Variants in SLX9 observed in about 807,000 individuals in gnomAD.
SLX9 encodes the protein SLX9 ribosome biogenesis factor, also known as ribosome biogenesis protein SLX9 homolog.
Under a neutral mutation model 20.8 loss-of-function variants are expected in SLX9, and 19 were observed. The ratio of observed to expected loss-of-function variants is 0.91; its 90% CI spans 0.64 to 1.34. The LOEUF is 1.34. Ranked by LOEUF, SLX9 falls within the 40% of genes most tolerant of loss-of-function variation. The probability of loss-of-function intolerance (pLI) is 0.00; values close to 1 mark genes in which losing one functional copy is unlikely to be tolerated. For synonymous variants in SLX9, 113 were observed against 137.1 expected, an observed-to-expected ratio of 0.82 and a Z score of 1.23; for missense variants, 299 against 322.2, an observed-to-expected ratio of 0.93 and a Z score of 0.55.
rs2084588204 is a variant in SLX9 at position 44,943,601 on chromosome 21, TCTC to T, written c.130-79_130-77del. On this transcript the variant is annotated intron_variant, in intron 1 of 5. Transcript: ENST00000291634. ...GAATCCAGGTTCTTGTCTTGCATCT[TCTC>T]CTCACCTTTAACGTCCCTCTGAAAC... 5.3e-5 allele frequency: 83 copies of T among 1,552,572 alleles called. 1 individual carries two copies. The South Asian group carries it at 9.7e-4, about 18-fold the overall frequency.
intron 5 of SLX9, among the ~76,000 whole-genome samples, chr21:44,974,092 G>A (rs566872708): frequency 5.3e-5 from 8 of 152,298 alleles, no homozygotes; most frequent in East Asian, 1.9e-4. Flanking sequence ...TCCAGACCAC[G>A]CACGCTCTCT....
intron 3 of SLX9, among the ~76,000 whole-genome samples, chr21:44,966,538 A>G (rs1335846924): frequency 1.3e-5 from 2 of 152,172 alleles, no homozygotes; most frequent in African/African-American, 4.8e-5. Flanking sequence ...TCTAGCGTGG[A>G]GGCCTCAGCC....
intron 2 of SLX9, among the ~76,000 whole-genome samples, chr21:44,952,883 C>T (rs1392260684): frequency 1.3e-5 from 2 of 152,224 alleles, no homozygotes; most frequent in Admixed American, 1.3e-4. Context: ...AGGCCATCTG[C>T]ACGTCACTGT....
chr21:44,966,065 G>C (rs956158199), intron 3 of SLX9, among the ~76,000 whole-genome samples: 1 of 152,150 alleles, frequency 6.6e-6, no homozygotes, highest in East Asian at 1.9e-4. Context: ...TTTGTCCCAG[G>C]TTCTTGTCAG....
intron 2 of SLX9, among the ~76,000 whole-genome samples, chr21:44,956,110 G>A (rs565212177): frequency 1.3e-5 from 2 of 152,356 alleles, no homozygotes; most frequent in South Asian, 4.1e-4. Context: ...GCCTTTTCCT[G>A]TTTTTCTTTT....
At chr21:44,942,982 G>T (rs2084576359) in intron 1 of SLX9, among the ~76,000 whole-genome samples, 1 of 152,184 alleles carries the variant, frequency 6.6e-6, no homozygotes, top group Non-Finnish European at 1.5e-5. Context: ...ATATTTTTAA[G>T]TGCCTTTAGC....
chr21:44,939,766 C>A, upstream of SLX9: 2 of 542,612 alleles, frequency 3.7e-6, no homozygotes, highest in Non-Finnish European at 3.5e-6. Flanking sequence ...TCTCCATCCC[C>A]GACCTTGGAC....
chr21:44,943,803 C>T lies in SLX9; in HGVS notation c.249C>T (p.Gly83=), dbSNP rs750981303. Residue 83 remains glycine (G), a synonymous_variant, in exon 2 of 6, where the codon GGC becomes GGT. Coordinates refer to ENST00000291634, the MANE Select transcript of SLX9 (RefSeq NM_058190.4). Reference sequence around the variant, plus strand: ...CTTCCGTCAGGAGAGGTGAGGCAGGCTCGAGTGCACGGAGCGTCCCTTCCA... The same window carrying T: ...CTTCCGTCAGGAGAGGTGAGGCAGGTTCGAGTGCACGGAGCGTCCCTTCCA... ...SVTSVRRGEA[G]SSARSVPSIR... 6.2e-7 allele frequency: 1 copy of T among 1,612,952 alleles called. No individual in the cohort carries two copies. Among genetic ancestry groups the T allele is most frequent in the Non-Finnish European group, 8.5e-7 (1 of 1,179,980 alleles).
intron 4 of SLX9, among the ~76,000 whole-genome samples, chr21:44,971,575 A>G (rs369463376): frequency 6.6e-6 from 1 of 152,254 alleles, no homozygotes; most frequent in East Asian, 1.9e-4. Flanking sequence ...CATCTCTTAA[A>G]GTGAGGGTGC....
At chr21:44,965,486 G>A (rs1325767115) in intron 3 of SLX9, among the ~76,000 whole-genome samples, 24 of 152,204 alleles carry the variant, frequency 1.6e-4, no homozygotes, top group Non-Finnish European at 2.9e-5. Flanking sequence ...CTCACTGTGG[G>A]TTTCTAGCAG....
At chr21:44,960,304 A>T in intron 3 of SLX9, 136 bp downstream of exon 3, 1 of 819,280 alleles carries the variant, frequency 1.2e-6, no homozygotes, top group Middle Eastern at 2.3e-4. Flanking sequence ...ATCACCCAAG[A>T]CACTTCAGAG....
chr21:44,943,733 C>A lies in SLX9; in HGVS notation c.179C>A (p.Pro60His). 1.9e-6 allele frequency: 3 copies of A among 1,614,200 alleles called. No individual in the cohort carries two copies. The highest frequency in any genetic ancestry group is 8.5e-7 in the Non-Finnish European group (1 of 1,180,034). Residue 60 changes from proline (P) to histidine (H), a missense_variant, in exon 2 of 6, where the codon CCC becomes CAC. Transcript: ENST00000291634. ...ATCTTTGCCAGGACCAAGATAGACC[C>A]CAGCGCCTTGGTGCAGAAGCTGGAG... ...TNIFARTKID[P>H]SALVQKLELD... is the part of the protein sequence containing the mutation.
At chr21:44,976,431 G>C (rs1269687464) in intron 5 of SLX9, among the ~76,000 whole-genome samples, 1 of 152,212 alleles carries the variant, frequency 6.6e-6, no homozygotes, top group Non-Finnish European at 1.5e-5. Context: ...CCCCAGACTT[G>C]CTGGCTGGGT....
At chr21:44,959,269 A>G (rs1199021089) in intron 2 of SLX9, 2 of 985,212 alleles carry the variant, frequency 2.0e-6, no homozygotes, top group East Asian at 2.3e-4. Context: ...CATGAATTAA[A>G]AGAGATACTG....
chr21:44,963,764 C>G (rs60725487), intron 3 of SLX9, among the ~76,000 whole-genome samples: 10,418 of 152,166 alleles, frequency 0.068, 1,178 homozygotes, highest in African/African-American at 0.23. Context: ...TTCCATTGAT[C>G]TATTTGTTGT....
intron 2 of SLX9, among the ~76,000 whole-genome samples, chr21:44,952,228 C>T (rs1476102070): frequency 1.3e-5 from 2 of 152,236 alleles, no homozygotes; most frequent in African/African-American, 4.8e-5. Flanking sequence ...CTGGATCTCA[C>T]CGGCTTGCCG....
intron 2 of SLX9, among the ~76,000 whole-genome samples, chr21:44,947,176 C>T (rs1388277852): frequency 3.3e-5 from 5 of 152,212 alleles, no homozygotes; most frequent in South Asian, 2.1e-4. Context: ...CACCCCACCC[C>T]GGGTTTGTGC....
At chr21:44,969,514 G>A (rs904953401) in intron 4 of SLX9, among the ~76,000 whole-genome samples, 3 of 152,176 alleles carry the variant, frequency 2.0e-5, no homozygotes, top group African/African-American at 7.2e-5. Flanking sequence ...CTGTCGCTGG[G>A]AGTCCCCGTC....
At chr21:44,943,152 C>A (rs553485683) in intron 1 of SLX9, among the ~76,000 whole-genome samples, 1 of 152,070 alleles carries the variant, frequency 6.6e-6, no homozygotes, top group Non-Finnish European at 1.5e-5. Flanking sequence ...TGTCTCCTCA[C>A]GGTTTGGTCG....
Sources: allele counts gnomAD v4.1 joint callset (sites outside exome capture counted in the v4.1 genomes callset), GRCh38; gene constraint gnomAD v4.1.1; transcripts MANE v1.5; gene names NCBI Gene and HGNC (gene_info 2026-07-23, HGNC 2026-07-21).